The following LRRC4C variants were observed in gnomAD, a reference collection of about 807,000 sequenced individuals.
The protein encoded by LRRC4C is leucine rich repeat containing 4C.
In LRRC4C, 5 loss-of-function variants were observed where a neutral mutation model predicts 33.6. The observed-to-expected ratio is 0.15, with a 90% confidence interval of 0.08 to 0.31. The LOEUF is 0.31. Among genes scored for constraint, LRRC4C ranks in the 10% least tolerant of loss-of-function variants. The pLI, the probability that LRRC4C is intolerant of heterozygous loss-of-function variation, is 1.00. For missense variants in LRRC4C, 560 were observed against 796.7 expected (o/e 0.70, Z 3.58); for synonymous variants, 329 against 302.0 (o/e 1.09, Z -0.93).
intron 1 of LRRC4C, among the ~76,000 whole-genome samples, chr11:41,279,428 A>ACACACACCCCC (rs58139193): frequency 6.4e-5 from 9 of 140,888 alleles, no homozygotes; most frequent in East Asian, 4.3e-4. Context: ...ACACACACAC[A>ACACACACCCCC]CCGTGGCAAT....
chr11:40,391,184 C>T (rs1041386359), intron 3 of LRRC4C, among the ~76,000 whole-genome samples: 1 of 152,090 alleles, frequency 6.6e-6, no homozygotes, highest in African/African-American at 2.4e-5. Context: ...ACATTTGTTC[C>T]TTAGTGACAA....
chr11:40,250,364 C>T (rs143398539), intron 4 of LRRC4C, among the ~76,000 whole-genome samples: 23 of 152,262 alleles, frequency 1.5e-4, no homozygotes, highest in African/African-American at 5.3e-4. Context: ...TTCTATACTT[C>T]AGAACACTGA....
chr11:40,626,920 C>T (rs549252345), intron 3 of LRRC4C, among the ~76,000 whole-genome samples: 4 of 152,278 alleles, frequency 2.6e-5, no homozygotes, highest in Middle Eastern at 3.4e-3. Context: ...ATCCAGATAT[C>T]TTCTCCTCTT....
chr11:41,084,064 G>A (rs1590488994), intron 1 of LRRC4C, among the ~76,000 whole-genome samples: 2 of 152,118 alleles, frequency 1.3e-5, no homozygotes, highest in East Asian at 3.9e-4. Flanking sequence ...AATTTACAAG[G>A]CTTAAAGTGA....
intron 3 of LRRC4C, among the ~76,000 whole-genome samples, chr11:40,341,494 A>T (rs946180644): frequency 6.6e-6 from 1 of 151,544 alleles, no homozygotes; most frequent in Non-Finnish European, 1.5e-5. Flanking sequence ...GCGGGAACTG[A>T]ACAATGAGAA....
At chr11:40,453,624 A>AAAAAAC (rs1415170959) in intron 3 of LRRC4C, among the ~76,000 whole-genome samples, 1 of 151,870 alleles carries the variant, frequency 6.6e-6, no homozygotes, top group Non-Finnish European at 1.5e-5. Context: ...TAAGAAAAAA[A>AAAAAAC]AAACAACTAC....
intron 5 of LRRC4C, among the ~76,000 whole-genome samples, chr11:40,236,883 G>T (rs189371240): frequency 2.0e-5 from 3 of 152,178 alleles, no homozygotes; most frequent in African/African-American, 7.2e-5. Context: ...TGACAAATGT[G>T]TCTCCTAACA....
At chr11:41,431,705 C>T (rs1054818706) in intron 1 of LRRC4C, among the ~76,000 whole-genome samples, 2 of 151,994 alleles carry the variant, frequency 1.3e-5, no homozygotes, top group Admixed American at 1.3e-4. Flanking sequence ...TTCAGAGCTT[C>T]TCTTGAGGAC....
Position 41,105,922 on chromosome 11 carries a change from C to T in LRRC4C, c.-495-172199G>A, listed in dbSNP as rs558623691. 1.8e-4 allele frequency among the ~76,000 whole-genome samples: 27 copies of T among 152,224 alleles called. No homozygotes were observed. The South Asian group carries it at 1.9e-3, about 11-fold the overall frequency. On this transcript the variant is annotated intron_variant, in intron 1 of 6. Coordinates refer to ENST00000528697, the MANE Select transcript of LRRC4C (RefSeq NM_001258419.2). ...ATAACAATAATACCAAGATATTTCTCTCTCTTTTTATCAAGTACTGAATAA... is the reference window on the plus strand; with the variant it reads ...ATAACAATAATACCAAGATATTTCTTTCTCTTTTTATCAAGTACTGAATAA...
At chr11:40,952,063 G>A (rs1489410058) in intron 1 of LRRC4C, among the ~76,000 whole-genome samples, 3 of 151,816 alleles carry the variant, frequency 2.0e-5, no homozygotes, top group Non-Finnish European at 4.4e-5. Context: ...GCTCAGAAAA[G>A]TTAGCTATTA....
chr11:40,567,953 A>G (rs766239592), intron 3 of LRRC4C, among the ~76,000 whole-genome samples: 2 of 152,134 alleles, frequency 1.3e-5, no homozygotes, highest in African/African-American at 2.4e-5. Flanking sequence ...ATACTATCTC[A>G]TCAGTGAAGG....
At chr11:40,574,857 T>C (rs2135587057) in intron 3 of LRRC4C, among the ~76,000 whole-genome samples, 1 of 152,268 alleles carries the variant, frequency 6.6e-6, no homozygotes, top group East Asian at 1.9e-4. Context: ...CTTGCCCACC[T>C]TGACTACTGA....
intron 2 of LRRC4C, among the ~76,000 whole-genome samples, chr11:40,883,382 A>G (rs983498201): frequency 9.2e-5 from 14 of 152,102 alleles, no homozygotes; most frequent in African/African-American, 3.4e-4. Flanking sequence ...GGTCAGAGTC[A>G]TACTGAGAAA....
At chr11:41,370,843 C>T (rs578210096) in intron 1 of LRRC4C, among the ~76,000 whole-genome samples, 2 of 152,138 alleles carry the variant, frequency 1.3e-5, no homozygotes, top group South Asian at 2.1e-4. Context: ...GCTTGGCCCA[C>T]GTTATTTAAA....
At chr11:40,546,426 C>CA (rs1956927743) in intron 3 of LRRC4C, among the ~76,000 whole-genome samples, 1 of 151,882 alleles carries the variant, frequency 6.6e-6, no homozygotes, top group Non-Finnish European at 1.5e-5. Flanking sequence ...CAGTTTCATC[C>CA]TCTAGAATAT....
At chr11:40,853,966 C>T (rs1041863780) in intron 2 of LRRC4C, among the ~76,000 whole-genome samples, 7 of 152,170 alleles carry the variant, frequency 4.6e-5, no homozygotes, top group African/African-American at 7.2e-5. Flanking sequence ...AAATCATCAA[C>T]TTATCAACTG....
intron 1 of LRRC4C, among the ~76,000 whole-genome samples, chr11:41,114,099 C>T (rs1219298704): frequency 6.6e-6 from 1 of 151,910 alleles, no homozygotes; most frequent in African/African-American, 2.4e-5. Context: ...AATTATTTAT[C>T]AATATAGGAC....
At chr11:40,241,854 G>C (rs1307771016) in intron 4 of LRRC4C, 2 of 152,244 alleles carry the variant, frequency 1.3e-5, no homozygotes, top group Non-Finnish European at 2.9e-5. Context: ...AGAAGAGAAA[G>C]GCTGTTGGCA....
In LRRC4C at chr11:40,477,395, G is replaced by A. The variant is rs76715039; in HGVS notation, c.-269-157674C>T. On this transcript the variant is annotated intron_variant, in intron 3 of 6. Transcript: ENST00000528697. ...TTCCTCTCTGTAAGAAGCTAATTAG[G>A]AGAGGGATGATCTGGCTTTGGTATA... 3.0e-3 allele frequency among the ~76,000 whole-genome samples: 450 copies of A among 152,176 alleles called. 2 individuals carry two copies. Among genetic ancestry groups the A allele is most frequent in the African/African-American group, 0.01 (433 of 41,534 alleles).
Sources: gnomAD v4.1 joint callset for allele counts (sites outside exome capture counted in the v4.1 genomes callset) on GRCh38, gnomAD v4.1.1 for gene constraint, MANE v1.5 for transcripts, NCBI Gene and HGNC (gene_info 2026-07-23, HGNC 2026-07-21) for gene names.